The following SPATS2L variants were observed in gnomAD, a reference collection of about 807,000 sequenced individuals.
The protein encoded by SPATS2L is spermatogenesis associated serine rich 2 like, also known as SPATS2-like protein.
In SPATS2L, 30 loss-of-function variants were observed where a neutral mutation model predicts 59.6. The observed-to-expected ratio is 0.50, with a 90% CI of 0.38 to 0.68. The LOEUF is 0.68. Among genes scored for constraint, SPATS2L ranks in the 30% least tolerant of loss-of-function variants. The probability of loss-of-function intolerance (pLI) is 0.00; values close to 1 mark genes in which losing one functional copy is unlikely to be tolerated. For missense variants in SPATS2L, 615 were observed against 700.0 expected (o/e 0.88, Z 1.37); for synonymous variants, 252 against 263.5 (o/e 0.96, Z 0.42).
At chr2:200,360,414 G>A (rs578109448) in intron 2 of SPATS2L, among the ~76,000 whole-genome samples, 2 of 152,328 alleles carry the variant, frequency 1.3e-5, no homozygotes, top group African/African-American at 4.8e-5. Context: ...AGGAGACCCA[G>A]TTACAGGCAG....
chr2:200,427,128 A>G (rs1194069501), intron 6 of SPATS2L, among the ~76,000 whole-genome samples: 3 of 152,196 alleles, frequency 2.0e-5, no homozygotes, highest in African/African-American at 2.4e-5. Context: ...TGGTGATTTC[A>G]GTTACAAATG....
intron 1 of SPATS2L, among the ~76,000 whole-genome samples, chr2:200,307,488 C>T (rs1259597670): frequency 2.6e-5 from 4 of 152,008 alleles, no homozygotes; most frequent in African/African-American, 7.2e-5. Flanking sequence ...CGTTGGCGTC[C>T]GCGCTGCGCG....
chr2:200,396,027 A>T lies in SPATS2L; in HGVS notation c.39+6744A>T, dbSNP rs1325304509. 7.0e-3 allele frequency among the ~76,000 whole-genome samples: 272 copies of T among 38,794 alleles called. 16 individuals are homozygous for T. The highest frequency in any genetic ancestry group is 0.011 in the Non-Finnish European group (195 of 17,092). 25.5% of individuals were successfully genotyped at this position (38,794 alleles called of 152,430 possible). ...CTCGATCTGGAAAAAAAAAAAAAAAAAAAAAAATATATATATATATATATA... is the reference window on the plus strand; with the variant it reads ...CTCGATCTGGAAAAAAAAAAAAAAATAAAAAAATATATATATATATATATA... On this transcript the variant is annotated intron_variant, in intron 3 of 12. Transcript: ENST00000409140.
At chr2:200,405,801 T>C (rs1370803813) in intron 3 of SPATS2L, among the ~76,000 whole-genome samples, 1 of 152,164 alleles carries the variant, frequency 6.6e-6, no homozygotes, top group African/African-American at 2.4e-5. Flanking sequence ...GGCTGCTTGA[T>C]TGCTGTCCTT....
At chr2:200,321,276 G>A (rs2079552036) in intron 1 of SPATS2L, among the ~76,000 whole-genome samples, 1 of 152,140 alleles carries the variant, frequency 6.6e-6, no homozygotes, top group Admixed American at 6.6e-5. Context: ...GGCACTTGGA[G>A]ATTTCAGCTC....
intron 8 of SPATS2L, among the ~76,000 whole-genome samples, chr2:200,443,660 TC>T (rs1455759333): frequency 6.6e-6 from 1 of 152,146 alleles, no homozygotes; most frequent in Non-Finnish European, 1.5e-5. Flanking sequence ...AACTAGAAAC[TC>T]AGGTCAGAAA....
At chr2:200,469,717 C>T in intron 10 of SPATS2L, 197 bp from the exon 11 acceptor site, 1 of 519,234 alleles carries the variant, frequency 1.9e-6, no homozygotes, top group East Asian at 3.1e-5. Flanking sequence ...CACATATTCC[C>T]CAGGCAGGAA....
chr2:200,322,049 G>C (rs911203524), intron 1 of SPATS2L, among the ~76,000 whole-genome samples: 1 of 152,202 alleles, frequency 6.6e-6, no homozygotes, highest in Non-Finnish European at 1.5e-5. Context: ...TCTACAAAAT[G>C]TCACTTGGTG....
chr2:200,306,570 G>A (rs924291477), upstream of SPATS2L: 7 of 1,002,158 alleles, frequency 7.0e-6, no homozygotes, highest in Non-Finnish European at 8.4e-6. Context: ...GCGAGCGGGA[G>A]CGAGGGGCGC....
At chr2:200,313,859 G>A (rs1383477498) in intron 1 of SPATS2L, among the ~76,000 whole-genome samples, 2 of 152,088 alleles carry the variant, frequency 1.3e-5, no homozygotes, top group Admixed American at 1.3e-4. Context: ...TGGTGTTCTT[G>A]ACCACTCTCT....
intron 1 of SPATS2L, among the ~76,000 whole-genome samples, chr2:200,315,341 C>A (rs1228861623): frequency 1.3e-5 from 2 of 152,132 alleles, no homozygotes; most frequent in Non-Finnish European, 2.9e-5. Flanking sequence ...GCAGGCCCAC[C>A]CAGCCATCAT....
At chr2:200,387,002 C>T (rs1407114738) in intron 2 of SPATS2L, among the ~76,000 whole-genome samples, 1 of 152,166 alleles carries the variant, frequency 6.6e-6, no homozygotes, top group Non-Finnish European at 1.5e-5. Flanking sequence ...AATGACCGAC[C>T]AAAGGCTTTA....
At position 200,427,624 on chromosome 2, in the gene SPATS2L, A is replaced by C. The variant is rs140853215; in HGVS notation, c.445+8128A>C. On this transcript the variant is annotated intron_variant, in intron 6 of 12. Transcript: ENST00000409140. ...ATGTTATTCCAGTCAGAAAGTTACC[A>C]CCTTTATGCCCTCTGAGCTCATCAA... Among the ~76,000 whole-genome samples the C allele has an allele frequency of 6.1e-3, 929 of 151,874 alleles. 34 individuals carry two copies. The highest frequency in any genetic ancestry group is 0.054 in the Admixed American group (826 of 15,236).
chr2:200,440,864 T>C, intron 8 of SPATS2L, 80 bp downstream of exon 8: 2 of 1,507,980 alleles, frequency 1.3e-6, no homozygotes, highest in South Asian at 1.3e-5. Flanking sequence ...TGGAAAACGT[T>C]GTTTATTTAA....
chr2:200,412,806 C>A (rs2082925149), intron 4 of SPATS2L, among the ~76,000 whole-genome samples: 1 of 152,000 alleles, frequency 6.6e-6, no homozygotes, highest in Non-Finnish European at 1.5e-5. Context: ...AGTCCCAGCA[C>A]TTCGGAAGGC....
rs1373682292 is a variant in SPATS2L, at chr2:200,306,765, G to C, written c.-230G>C. 2.0e-6 allele frequency: 2 copies of C among 982,532 alleles called. No homozygotes were observed. The highest frequency in any genetic ancestry group is 2.4e-6 in the Non-Finnish European group (2 of 828,632). 60.9% of individuals were successfully genotyped at this position (982,532 alleles called of 1,614,324 possible). ...CCTCCGCTGCAAGCGCCGGCAGCGC[G>C]GGGCGAGCTCCGGACGGCGCGCGGC... On this transcript the variant is annotated 5_prime_UTR_variant, in exon 1 of 13. Transcript: ENST00000409140.
chr2:200,327,246 A>G (rs2079780537), intron 1 of SPATS2L, among the ~76,000 whole-genome samples: 1 of 151,928 alleles, frequency 6.6e-6, no homozygotes, highest in Non-Finnish European at 1.5e-5. Context: ...TCTATTAAAA[A>G]TACCAAAATT....
chr2:200,327,496 C>G (rs1048670040), intron 1 of SPATS2L, among the ~76,000 whole-genome samples: 1 of 152,134 alleles, frequency 6.6e-6, no homozygotes, highest in African/African-American at 2.4e-5. Flanking sequence ...CAAAGTGCTG[C>G]TTCTTTCCAT....
chr2:200,425,128 G>A (rs1040101854), intron 6 of SPATS2L, among the ~76,000 whole-genome samples: 3 of 33,928 alleles, frequency 8.8e-5, no homozygotes, highest in African/African-American at 3.3e-4. Flanking sequence ...AGTTCCCCCC[G>A]CCCCCCCCCC....
Sources: allele counts gnomAD v4.1 joint callset (sites outside exome capture counted in the v4.1 genomes callset), GRCh38; gene constraint gnomAD v4.1.1; transcripts MANE v1.5; gene names NCBI Gene and HGNC (gene_info 2026-07-23, HGNC 2026-07-21).